The following C19orf44 variants were observed in gnomAD, a reference collection of about 807,000 sequenced individuals.
The protein encoded by C19orf44 is chromosome 19 open reading frame 44, also known as uncharacterized protein C19orf44.
In C19orf44, 43 loss-of-function variants were observed where a neutral mutation model predicts 50.7. The ratio of observed to expected loss-of-function variants is 0.85; its 90% CI spans 0.66 to 1.09. C19orf44 has a LOEUF of 1.09. Among genes scored for constraint, C19orf44 ranks in the 50% least tolerant of loss-of-function variants. The pLI, the probability that C19orf44 is intolerant of heterozygous loss-of-function variation, is 0.00. For missense variants in C19orf44, 722 were observed against 836.2 expected (o/e 0.86, Z 1.68); for synonymous variants, 298 against 334.7 (o/e 0.89, Z 1.20).
At chr19:16,506,808 T>C in intron 4 of C19orf44, 34 bp downstream of exon 4, 1 of 1,476,524 alleles carries the variant, frequency 6.8e-7, no homozygotes, top group Middle Eastern at 1.8e-4. Flanking sequence ...CATGGTCGAT[T>C]GTTTTTGGCT....
chr19:16,519,612 T>C lies in C19orf44; in HGVS notation c.*41-482T>C, dbSNP rs1366744934. 5.6e-6 allele frequency: 9 copies of C among 1,613,018 alleles called. No individual in the cohort carries two copies. The highest frequency in any genetic ancestry group is 2.7e-5 in the African/African-American group (2 of 74,872). ...CCCATCCCGCGCCCTCCCCATTCCC[T>C]CGCCTTACCCATCTTCACCAGCATC... On this transcript the variant is annotated intron_variant, in intron 8 of 8. Transcript: ENST00000221671. The surrounding 1 kb of genome is among the most constrained non-coding windows in gnomAD (Gnocchi z 6.0).
Position 16,514,628 on chromosome 19 carries a change from T to G in C19orf44, c.1867T>G (p.Ser623Ala), listed in dbSNP as rs540494368. The G allele has an allele frequency of 1.3e-6, 2 of 1,588,162 alleles. No homozygotes were observed. The highest frequency in any genetic ancestry group is 2.7e-5 in the African/African-American group (2 of 74,598). The change falls in exon 7 of 9, where the codon TCC becomes GCC. Residue 623 changes from serine (S) to alanine (A), a missense_variant. Physicochemically the swap from Ser to Ala is moderately conservative, Grantham distance 99 (BLOSUM62 1). Transcript: ENST00000221671. ...CCTCCTGCGCTCCCTGGACGCGGAC[T>G]CCTTCCACTACCACACCCTGGAGGA... ...ASLLRSLDAD[S>A]FHYHTLEEAK...
At chr19:16,514,702 G>C in intron 7 of C19orf44, 39 bp downstream of exon 7, 1 of 1,483,028 alleles carries the variant, frequency 6.7e-7, no homozygotes, top group African/African-American at 1.4e-5. Context: ...AGGGCAGTAG[G>C]GGAGCGGCAG....
rs768527993 is a variant in C19orf44, at chr19:16,519,351, G to T, written c.*41-743G>T. On this transcript the variant is annotated intron_variant, in intron 8 of 8. Transcript: ENST00000221671. This position sits in a 1 kb window ranked among gnomAD's most constrained non-coding sequence, Gnocchi z 6.0. ...CACCGAGGCCGCCTGAGCCGCTCCA[G>T]CCTGGAAACAGAGACGCAGTCACAA... is the stretch of plus-strand genomic sequence containing the variant. 6.2e-7 allele frequency: 1 copy of T among 1,609,962 alleles called. No individual in the cohort carries two copies. The highest frequency in any genetic ancestry group is 1.1e-5 in the South Asian group (1 of 90,822).
chr19:16,512,468 G>C (rs1173009026), intron 5 of C19orf44, among the ~76,000 whole-genome samples: 1 of 152,102 alleles, frequency 6.6e-6, no homozygotes, highest in East Asian at 1.9e-4. Context: ...CAGCCACCGT[G>C]AGCCGGAGCC....
At chr19:16,506,592 CAA>C (rs796917457) in intron 3 of C19orf44, 107 bp from the exon 4 acceptor site, 273 of 611,430 alleles carry the variant, frequency 4.5e-4, no homozygotes, top group South Asian at 6.3e-4. Flanking sequence ...GACTCTATCT[CAA>C]AAAAAAAAAG....
In C19orf44 at chr19:16,520,696, G is replaced by A; in HGVS notation, c.*643G>A. 8.6e-7 allele frequency: 1 copy of A among 1,168,554 alleles called. No individual in the cohort carries two copies. The highest frequency in any genetic ancestry group is 1.3e-5 in the South Asian group (1 of 78,656). The allele number at this position is 1,168,554 out of a possible 1,614,324, so 72.4% of individuals were successfully genotyped here. ...CTGCTGCTGTGTGAATTCAGGCCTT[G>A]TGGAAAACACCGCCCCATAGGCACA... On this transcript the variant is annotated 3_prime_UTR_variant, in exon 9 of 9. Coordinates refer to ENST00000221671, the MANE Select transcript of C19orf44 (RefSeq NM_032207.4). This position sits in a 1 kb window ranked among gnomAD's most constrained non-coding sequence, Gnocchi z 4.0.
chr19:16,501,603 T>A (rs1755977237), intron 2 of C19orf44, 52 bp downstream of exon 2: 4 of 1,231,368 alleles, frequency 3.2e-6, no homozygotes, highest in African/African-American at 1.6e-5. Context: ...AATTTAATTT[T>A]TTTTTTGAGA....
chr19:16,498,448 T>A (rs1294218546), intron 1 of C19orf44, among the ~76,000 whole-genome samples: 1 of 152,000 alleles, frequency 6.6e-6, no homozygotes, highest in African/African-American at 2.4e-5. Flanking sequence ...CAGACCCAGC[T>A]AATTTTTTCA....
rs1430687504 is a variant in C19orf44 at position 16,520,065 on chromosome 19, C to T, written c.*41-29C>T. 6 of 1,427,078 alleles carry T rather than the reference C, an allele frequency of 4.2e-6. No homozygotes were observed. In the African/African-American group the frequency reaches 8.4e-5, roughly 20 times the overall value. The allele number at this position is 1,427,078 out of a possible 1,614,324, so 88.4% of individuals were successfully genotyped here. On this transcript the variant is annotated intron_variant, in intron 8 of 8. Transcript: ENST00000221671. This position sits in a 1 kb window ranked among gnomAD's most constrained non-coding sequence, Gnocchi z 4.0. Reference sequence around the variant, plus strand: ...TGCTGGCGGCCTCCTAACACAGTCTCCTAACCACCAATGTTTCCACATTCA... The same window carrying T: ...TGCTGGCGGCCTCCTAACACAGTCTTCTAACCACCAATGTTTCCACATTCA...
chr19:16,504,694 G>T (rs957458796), intron 3 of C19orf44, among the ~76,000 whole-genome samples: 1 of 151,982 alleles, frequency 6.6e-6, no homozygotes, highest in South Asian at 2.1e-4. Context: ...CTGCCTCCCA[G>T]GTTCAAGTGA....
chr19:16,518,875 G>A (rs924599470), intron 8 of C19orf44: 11 of 445,610 alleles, frequency 2.5e-5, no homozygotes, highest in African/African-American at 6.1e-5. Flanking sequence ...TTACTCGGGC[G>A]GAGGGTCTTG....
intron 4 of C19orf44, among the ~76,000 whole-genome samples, chr19:16,507,189 G>A (rs1410703287): frequency 6.6e-6 from 1 of 152,198 alleles, no homozygotes; most frequent in East Asian, 1.9e-4. Context: ...TGCCAAGAAT[G>A]TTGTGGCCTC....
chr19:16,512,327 G>A (rs1469232564), intron 5 of C19orf44, among the ~76,000 whole-genome samples: 1 of 152,114 alleles, frequency 6.6e-6, no homozygotes, highest in East Asian at 1.9e-4. Context: ...GACTGACAGG[G>A]AAAGGAGAAA....
Position 16,520,523 on chromosome 19 carries a change from T to C in C19orf44, c.*470T>C. ...CGAGGGTCCGCTGTGGGGAGAGGCC[T>C]GATGATCAGGTGCCCCAGTGGATGG... On this transcript the variant is annotated 3_prime_UTR_variant, in exon 9 of 9. Transcript: ENST00000221671. The surrounding 1 kb of genome is among the most constrained non-coding windows in gnomAD (Gnocchi z 4.0). 6.2e-7 allele frequency: 1 copy of C among 1,605,390 alleles called. No individual in the cohort carries two copies. The highest frequency in any genetic ancestry group is 8.5e-7 in the Non-Finnish European group (1 of 1,175,372).
Position 16,520,532 on chromosome 19 carries a change from G to C in C19orf44, c.*479G>C. Reference sequence around the variant, plus strand: ...GCTGTGGGGAGAGGCCTGATGATCAGGTGCCCCAGTGGATGGGCTGCACCC... The same window carrying C: ...GCTGTGGGGAGAGGCCTGATGATCACGTGCCCCAGTGGATGGGCTGCACCC... On this transcript the variant is annotated 3_prime_UTR_variant, in exon 9 of 9. Coordinates refer to ENST00000221671, the MANE Select transcript of C19orf44 (RefSeq NM_032207.4). The surrounding 1 kb of genome is among the most constrained non-coding windows in gnomAD (Gnocchi z 4.0). 1.2e-6 allele frequency: 2 copies of C among 1,601,514 alleles called. No homozygotes were observed. The highest frequency in any genetic ancestry group is 1.7e-6 in the Non-Finnish European group (2 of 1,173,210).
Position 16,521,253 on chromosome 19 carries a change from C to G in C19orf44, c.*1200C>G, listed in dbSNP as rs1285590328. 29 of 567,738 alleles carry G rather than the reference C, an allele frequency of 5.1e-5. No homozygotes were observed. The East Asian group carries it at 7.0e-4, about 14-fold the overall frequency. 35.2% of individuals were successfully genotyped at this position (567,738 alleles called of 1,614,324 possible). The stretch of plus-strand genomic sequence containing the variant: ...AGGGGTGACCACTGGGAAGGGTGGG[C>G]TGAGGGCCCTGTGGCAGCCGGCTGC... On this transcript the variant is annotated 3_prime_UTR_variant, in exon 9 of 9. Coordinates refer to ENST00000221671, the MANE Select transcript of C19orf44 (RefSeq NM_032207.4).
At position 16,519,069 on chromosome 19, in the gene C19orf44, A is replaced by C; in HGVS notation, c.*41-1025A>C. 2 of 1,173,876 alleles carry C rather than the reference A, an allele frequency of 1.7e-6. No homozygotes were observed. Among genetic ancestry groups the C allele is most frequent in the Non-Finnish European group, 2.4e-6 (2 of 821,420 alleles). 72.7% of individuals were successfully genotyped at this position (1,173,876 alleles called of 1,614,324 possible). ...ACAAGTGGAGACGGTGTAAGAACTG[A>C]GCTGTCACTGCAATCTTCCTCTGCC... is the stretch of plus-strand genomic sequence containing the variant. On this transcript the variant is annotated intron_variant, in intron 8 of 8. Transcript: ENST00000221671. This position sits in a 1 kb window ranked among gnomAD's most constrained non-coding sequence, Gnocchi z 6.0.
At chr19:16,517,510 G>A (rs144926444) in intron 8 of C19orf44, among the ~76,000 whole-genome samples, 169 bp downstream of exon 8, 379 of 152,286 alleles carry the variant, frequency 2.5e-3, no homozygotes, top group South Asian at 0.017. Flanking sequence ...GTGGTGCTGC[G>A]GTGAGGGCCC....
Sources: allele counts gnomAD v4.1 joint callset (sites outside exome capture counted in the v4.1 genomes callset), GRCh38; gene constraint gnomAD v4.1.1; non-coding constraint Gnocchi (gnomAD v3.1); transcripts MANE v1.5; gene names NCBI Gene and HGNC (gene_info 2026-07-23, HGNC 2026-07-21).